The following SUGCT variants were observed in gnomAD, a reference collection of about 807,000 sequenced individuals.
SUGCT encodes succinyl-CoA:glutarate-CoA transferase, also known as succinyl-CoA:glutarate CoA-transferase.
Under a neutral mutation model 55.0 loss-of-function variants are expected in SUGCT, and 41 were observed. The ratio of observed to expected loss-of-function variants is 0.74; its 90% CI spans 0.58 to 0.97. The LOEUF (loss-of-function observed/expected upper bound fraction) is 0.97, where lower values mean the gene tolerates loss of function less well. SUGCT is among the 50% of genes least tolerant of loss of function. The pLI is 0.00. For missense variants in SUGCT, 568 were observed against 547.8 expected (o/e 1.04, Z -0.37); for synonymous variants, 187 against 200.4 (o/e 0.93, Z 0.56).
intron 8 of SUGCT, among the ~76,000 whole-genome samples, chr7:40,310,017 A>G (rs2151095805): frequency 6.6e-6 from 1 of 152,320 alleles, no homozygotes; most frequent in South Asian, 2.1e-4. Context: ...CTCCAGAAGC[A>G]GGACCATAAC....
chr7:40,289,166 G>A (rs1283584863), intron 8 of SUGCT, among the ~76,000 whole-genome samples: 1 of 152,050 alleles, frequency 6.6e-6, no homozygotes, highest in Non-Finnish European at 1.5e-5. Context: ...TTAAATTAAA[G>A]ATCTTGAGAT....
chr7:40,427,896 G>A (rs532301593), intron 9 of SUGCT, among the ~76,000 whole-genome samples: 2 of 152,210 alleles, frequency 1.3e-5, no homozygotes, highest in East Asian at 3.9e-4. Flanking sequence ...TCTGATGCAG[G>A]GTAGGAGGCT....
intron 9 of SUGCT, among the ~76,000 whole-genome samples, chr7:40,366,839 T>C (rs569877544): frequency 6.6e-6 from 1 of 152,226 alleles, no homozygotes; most frequent in Admixed American, 6.5e-5. Context: ...AGTTCAACCA[T>C]TGTGGAAGTC....
At chr7:41,004,352 T>A in the SUGCT span, among the ~76,000 whole-genome samples, 1 of 152,340 alleles carries the variant, frequency 6.6e-6, no homozygotes, top group African/African-American at 2.4e-5. Flanking sequence ...TTCTGAAAAG[T>A]CCCAGGCATT....
chr7:40,376,746 C>CTCT (rs1784567179), intron 9 of SUGCT, among the ~76,000 whole-genome samples: 1 of 148,066 alleles, frequency 6.8e-6, no homozygotes. Flanking sequence ...TATAATCACT[C>CTCT]TTTTTTTTTT....
intron 8 of SUGCT, among the ~76,000 whole-genome samples, chr7:40,298,913 C>G (rs1282175870): frequency 1.3e-5 from 2 of 152,024 alleles, no homozygotes; most frequent in Admixed American, 6.6e-5. Flanking sequence ...ATTATCTTCT[C>G]TTTTAAAAAA....
the SUGCT span, among the ~76,000 whole-genome samples, chr7:41,006,178 T>A: frequency 1.3e-5 from 2 of 152,216 alleles, no homozygotes; most frequent in African/African-American, 4.8e-5. Context: ...TCAAGCGCTT[T>A]ATCCTATCCA....
At chr7:40,501,943 T>C (rs1472647322) in intron 12 of SUGCT, among the ~76,000 whole-genome samples, 1 of 152,056 alleles carries the variant, frequency 6.6e-6, no homozygotes, top group Admixed American at 6.5e-5. Flanking sequence ...CTTAAGCATA[T>C]TTGCCCCAGA....
chr7:40,741,581 T>C (rs1002635886), intron 12 of SUGCT, among the ~76,000 whole-genome samples: 4 of 152,226 alleles, frequency 2.6e-5, no homozygotes, highest in African/African-American at 9.7e-5. Flanking sequence ...TATTTAACAC[T>C]ATGCCATAGC....
chr7:40,687,622 G>T (rs2128646793), intron 12 of SUGCT, among the ~76,000 whole-genome samples: 2 of 152,238 alleles, frequency 1.3e-5, no homozygotes, highest in East Asian at 3.9e-4. Flanking sequence ...GAACTGGAAT[G>T]GTTATACCCG....
chr7:40,188,238 A>G (rs1034241776), intron 3 of SUGCT, among the ~76,000 whole-genome samples: 3 of 152,104 alleles, frequency 2.0e-5, no homozygotes, highest in African/African-American at 4.8e-5. Flanking sequence ...GTTTGAGACC[A>G]GCCTGGCCAA....
chr7:40,780,153 A>G (rs953537212), intron 13 of SUGCT, among the ~76,000 whole-genome samples: 2 of 152,092 alleles, frequency 1.3e-5, no homozygotes, highest in African/African-American at 4.8e-5. Context: ...CTGCATCCCT[A>G]CAAGTGTAGT....
At chr7:40,818,471 C>A (rs1791791522) in intron 13 of SUGCT, among the ~76,000 whole-genome samples, 1 of 152,238 alleles carries the variant, frequency 6.6e-6, no homozygotes, top group African/African-American at 2.4e-5. Context: ...ATGACTACTT[C>A]TTCATAAAGA....
chr7:40,549,494 T>C (rs1332933559), intron 12 of SUGCT, among the ~76,000 whole-genome samples: 1 of 152,132 alleles, frequency 6.6e-6, no homozygotes, highest in Non-Finnish European at 1.5e-5. Flanking sequence ...TACCTCTGCC[T>C]TAGGAATTTA....
At chr7:40,646,456 T>C (rs1800516974) in intron 12 of SUGCT, among the ~76,000 whole-genome samples, 1 of 152,248 alleles carries the variant, frequency 6.6e-6, no homozygotes, top group Non-Finnish European at 1.5e-5. Context: ...CACTTCTTCC[T>C]GTGTCCTACA....
intron 7 of SUGCT, among the ~76,000 whole-genome samples, chr7:40,246,489 A>G (rs140306390): frequency 5.9e-5 from 9 of 151,848 alleles, no homozygotes; most frequent in Middle Eastern, 3.4e-3. Context: ...GGCTCAAGTT[A>G]ATCTGCTTGC....
At chr7:41,014,157 T>A in the SUGCT span, among the ~76,000 whole-genome samples, 1 of 152,156 alleles carries the variant, frequency 6.6e-6, no homozygotes, top group Admixed American at 6.5e-5. Context: ...ACCACTGAGG[T>A]GGAGTGGGTG....
rs536630974 is a variant in SUGCT, at chr7:40,830,887, G to T, written c.1154-29429G>T. ...TTATTTTTACTCTAATCTTTCCCCT[G>T]TACCACCTTGCATCTCTCAAAGGAG... On this transcript the variant is annotated intron_variant, in intron 13 of 13. Coordinates refer to ENST00000335693, the MANE Select transcript of SUGCT (RefSeq NM_001193313.2). Among the ~76,000 whole-genome samples, 37 of 152,174 alleles carry T rather than the reference G, an allele frequency of 2.4e-4. No homozygotes were observed. The South Asian group carries it at 7.5e-3, about 31-fold the overall frequency.
In SUGCT at chr7:40,681,602, C is replaced by A. The variant is rs912810525; in HGVS notation, c.1090-67832C>A. 2.0e-5 allele frequency among the ~76,000 whole-genome samples: 3 copies of A among 152,244 alleles called. 1 individual carries two copies. The highest frequency in any genetic ancestry group is 7.2e-5 in the African/African-American group (3 of 41,552). ...CTTTCTCTCCTGAACTCCTCAATGGCTTGCAGGTAAGGGTTTTTAAAGGCA... is the reference window on the plus strand; with the variant it reads ...CTTTCTCTCCTGAACTCCTCAATGGATTGCAGGTAAGGGTTTTTAAAGGCA... On this transcript the variant is annotated intron_variant, in intron 12 of 13. Coordinates refer to ENST00000335693, the MANE Select transcript of SUGCT (RefSeq NM_001193313.2).
Sources: allele counts gnomAD v4.1 joint callset (sites outside exome capture counted in the v4.1 genomes callset), GRCh38; gene constraint gnomAD v4.1.1; transcripts MANE v1.5; gene names NCBI Gene and HGNC (gene_info 2026-07-23, HGNC 2026-07-21).